The following GPSM1 variants were observed in gnomAD, a reference collection of about 807,000 sequenced individuals.
GPSM1 encodes the protein G protein-signaling modulator 1.
Under a neutral mutation model 70.5 loss-of-function variants are expected in GPSM1, and 48 were observed. The ratio of observed to expected loss-of-function variants is 0.68; its 90% confidence interval spans 0.54 to 0.87. The LOEUF is 0.87. Among genes scored for constraint, GPSM1 ranks in the 40% least tolerant of loss-of-function variants. The probability of loss-of-function intolerance (pLI) is 0.00; values close to 1 mark genes in which losing one functional copy is unlikely to be tolerated. For synonymous variants in GPSM1, 416 were observed against 430.1 expected, an observed-to-expected ratio of 0.97 and a Z score of 0.41; for missense variants, 981 against 972.6, an observed-to-expected ratio of 1.01 and a Z score of -0.11.
chr9:136,353,253 C>T (rs1264089987), intron 11 of GPSM1: 1 of 234,560 alleles, frequency 4.3e-6, no homozygotes, highest in African/African-American at 2.3e-5. Context: ...GGGTGCATTC[C>T]CCTCCTCCGC....
In GPSM1 at chr9:136,338,575, G is replaced by A. The variant is rs782499031; in HGVS notation, c.839G>A (p.Arg280Gln). The part of the protein sequence containing the change: ...EYYKKTLQLS[R>Q]QLRDQAVEAQ... Reference sequence around the variant, plus strand: ...CACAGGAAGACGCTGCAACTGTCTCGGCAGCTCAGGGACCAGGCAGTGGAG... The same window carrying A: ...CACAGGAAGACGCTGCAACTGTCTCAGCAGCTCAGGGACCAGGCAGTGGAG... Residue 280 changes from arginine to glutamine, a missense_variant, in exon 7 of 14, where the codon CGG becomes CAG. Arg to Gln is a conservative substitution (Grantham distance 43, BLOSUM62 1). Coordinates refer to ENST00000440944, the MANE Select transcript of GPSM1 (RefSeq NM_001145638.3). 145 of 1,611,142 alleles carry A rather than the reference G, an allele frequency of 9.0e-5. 1 individual carries two copies. Among genetic ancestry groups the A allele is most frequent in the South Asian group, 2.4e-4 (22 of 90,734 alleles).
At chr9:136,327,803 ACCGGACC>A in intron 1 of GPSM1, 40 bp downstream of exon 1, 2 of 864,970 alleles carry the variant, frequency 2.3e-6, no homozygotes, top group Non-Finnish European at 3.0e-6. Flanking sequence ...CGGGGCTGGG[ACCGGACC>A]GGGCCGGGTC....
chr9:136,349,869 G>A (rs760599830), intron 11 of GPSM1, 106 bp downstream of exon 11: 15 of 1,068,968 alleles, frequency 1.4e-5, no homozygotes, highest in Admixed American at 5.4e-5. Context: ...CGGGCACTCC[G>A]GGGAGGCAGG....
rs1186757445 is a variant in GPSM1 at position 136,349,682 on chromosome 9, C to A, written c.1374C>A (p.Gly458=). The A allele has an allele frequency of 6.4e-7, 1 of 1,556,588 alleles. No individual in the cohort carries two copies. The highest frequency in any genetic ancestry group is 8.7e-7 in the Non-Finnish European group (1 of 1,150,260). Residue 458 remains glycine (G), a synonymous_variant, in exon 11 of 14, where the codon GGC becomes GGA. Transcript: ENST00000440944. ...LPVRSRKYQE[G]PDAERRPREG... is the part of the protein sequence containing the mutation. ...TGAGGAGCAGGAAGTACCAGGAAGG[C>A]CCGGACGCTGAGAGGAGGCCCCGGG...
At position 136,327,770 on chromosome 9, in the gene GPSM1, CGGGCCG is replaced by C. The variant is rs781974636; in HGVS notation, c.68+30_68+35del. 1.5e-4 allele frequency: 160 copies of C among 1,094,862 alleles called. 1 individual carries two copies. The highest frequency in any genetic ancestry group is 5.1e-4 in the Admixed American group (11 of 21,662). 67.8% of individuals were successfully genotyped at this position (1,094,862 alleles called of 1,614,324 possible). ...CCAGGCGCCTCTACTCCAGGTAGGACGGGCCGGGGCCGGGGCCGGGGCCGGGGCTGG... is the reference window on the plus strand; with the variant it reads ...CCAGGCGCCTCTACTCCAGGTAGGACGGGCCGGGGCCGGGGCCGGGGCTGG... On this transcript the variant is annotated splice_region_variant and intron_variant, in intron 1 of 13. Transcript: ENST00000440944.
At chr9:136,355,664 C>A in intron 11 of GPSM1, 26 bp from the exon 12 acceptor site, 1 of 1,606,336 alleles carries the variant, frequency 6.2e-7, no homozygotes, top group Non-Finnish European at 8.5e-7. Context: ...CTAGCTTTGG[C>A]TGCGGTGACC....
intron 5 of GPSM1, 76 bp downstream of exon 5, chr9:136,337,640 C>T: frequency 7.1e-7 from 1 of 1,408,272 alleles, no homozygotes; most frequent in South Asian, 1.2e-5. Flanking sequence ...CTTGGCGGTC[C>T]CTGAAAGGGC....
At chr9:136,353,325 GAGGC>G (rs1554772449) in intron 11 of GPSM1, among the ~76,000 whole-genome samples, 1 of 152,216 alleles carries the variant, frequency 6.6e-6, no homozygotes. Flanking sequence ...GAGGGACTCT[GAGGC>G]CTCCGGGAAG....
At chr9:136,339,214 G>A (rs782541868) in intron 7 of GPSM1, among the ~76,000 whole-genome samples, 26 of 152,228 alleles carry the variant, frequency 1.7e-4, no homozygotes, top group Admixed American at 5.9e-4. Context: ...CAGAGGTGCC[G>A]GTTGCACAGC....
At chr9:136,334,269 T>A (rs1468077686) in intron 1 of GPSM1, among the ~76,000 whole-genome samples, 178 bp from the exon 2 acceptor site, 2 of 152,216 alleles carry the variant, frequency 1.3e-5, no homozygotes, top group Non-Finnish European at 2.9e-5. Context: ...GGGGCGCCCT[T>A]GGGCCGCACA....
chr9:136,354,405 C>T (rs781928815), intron 11 of GPSM1, among the ~76,000 whole-genome samples: 2 of 152,204 alleles, frequency 1.3e-5, no homozygotes, highest in Non-Finnish European at 2.9e-5. Flanking sequence ...GTCTCCTGGG[C>T]TGTGGGGGTC....
At position 136,348,691 on chromosome 9, in the gene GPSM1, C is replaced by T. The variant is rs76185667; in HGVS notation, c.1208-6C>T. 4,095 of 1,609,326 alleles carry T rather than the reference C, an allele frequency of 2.5e-3. 6 individuals carry two copies. The highest frequency in any genetic ancestry group is 3.1e-3 in the Non-Finnish European group (3,661 of 1,177,814). ...TGCTGGGCTGACCGGGTCCCTCTGT[C>T]TTCAGGGGCCAGACCCAAGAGGACG... On this transcript the variant is annotated splice_region_variant and splice_polypyrimidine_tract_variant and intron_variant, in intron 9 of 13. Coordinates refer to ENST00000440944, the MANE Select transcript of GPSM1 (RefSeq NM_001145638.3).
intron 13 of GPSM1, 47 bp from the exon 14 acceptor site, chr9:136,357,967 A>G: frequency 6.8e-7 from 1 of 1,472,072 alleles, no homozygotes; most frequent in Non-Finnish European, 9.5e-7. Flanking sequence ...GCCCCGGACC[A>G]CTGGGGCTGG....
At chr9:136,328,542 T>C (rs782545487) in intron 1 of GPSM1, among the ~76,000 whole-genome samples, 1 of 152,270 alleles carries the variant, frequency 6.6e-6, no homozygotes, top group Non-Finnish European at 1.5e-5. Flanking sequence ...TGGACATCCC[T>C]AAAACCTGGT....
chr9:136,337,165 C>A, intron 4 of GPSM1, 93 bp downstream of exon 4: 2 of 1,209,608 alleles, frequency 1.7e-6, no homozygotes, highest in South Asian at 1.5e-5. Context: ...CAGCCCCATA[C>A]CTCCCGACAG....
Position 136,348,640 on chromosome 9 carries a change from C to T in GPSM1, c.1208-57C>T, listed in dbSNP as rs965364665. On this transcript the variant is annotated intron_variant, in intron 9 of 13. Coordinates refer to ENST00000440944, the MANE Select transcript of GPSM1 (RefSeq NM_001145638.3). The stretch of plus-strand genomic sequence containing the variant: ...GGCCCCCCAGAGACTCTGGCCTGGC[C>T]CACCCAATGCGAGGTGCCAGGGTGG... 6.6e-6 allele frequency: 9 copies of T among 1,360,572 alleles called. No homozygotes were observed. The East Asian group carries it at 1.7e-4, about 25-fold the overall frequency. The allele number at this position is 1,360,572 out of a possible 1,614,324, so 84.3% of individuals were successfully genotyped here.
At position 136,359,277 on chromosome 9, in the gene GPSM1, GCCAAGGGCCCTA is replaced by G. The variant is rs1832933264; in HGVS notation, c.*1061_*1072del. 6.6e-6 allele frequency: 1 copy of G among 152,242 alleles called. No homozygotes were observed. Among genetic ancestry groups the G allele is most frequent in the Non-Finnish European group, 1.5e-5 (1 of 68,050 alleles). The allele number at this position is 152,242 out of a possible 1,614,324, so 9.4% of individuals were successfully genotyped here. On this transcript the variant is annotated 3_prime_UTR_variant, in exon 14 of 14. Transcript: ENST00000440944. ...CCCAGCCTTGGCACCTCCCAAGACT[GCCAAGGGCCCTA>G]CCATGGCCCCACAGCCCCCAGGGCT...
At chr9:136,353,091 T>C in intron 11 of GPSM1, 2 of 985,516 alleles carry the variant, frequency 2.0e-6, no homozygotes, top group Non-Finnish European at 1.2e-6. Context: ...GTGTCCTGCC[T>C]GCGCTCTGTG....
Position 136,337,192 on chromosome 9 carries a change from G to A in GPSM1, c.578+120G>A, listed in dbSNP as rs557157432. On this transcript the variant is annotated intron_variant, in intron 4 of 13. Transcript: ENST00000440944. The stretch of plus-strand genomic sequence containing the variant: ...TCCCGACAGCTCCCAGGGCAGTGAC[G>A]GCCAGGTCCGCCCACCCCCGCTTTC... 22 of 1,094,234 alleles carry A rather than the reference G, an allele frequency of 2.0e-5. No homozygotes were observed. In the East Asian group the frequency reaches 2.6e-4, roughly 13 times the overall value. 67.8% of individuals were successfully genotyped at this position (1,094,234 alleles called of 1,614,324 possible). A position where few individuals can be genotyped will look rare whatever the true frequency, so the allele number is the denominator to read the frequency against.
Sources: gnomAD v4.1 joint callset for allele counts (sites outside exome capture counted in the v4.1 genomes callset) on GRCh38, gnomAD v4.1.1 for gene constraint, MANE v1.5 for transcripts, NCBI Gene and HGNC (gene_info 2026-07-23, HGNC 2026-07-21) for gene names.